Variants in BMP8A observed in about 807,000 individuals in gnomAD.
The protein encoded by BMP8A is bone morphogenetic protein 8a, also known as BMP-8A.
BMP8A carries 14 observed loss-of-function variants against 36.8 expected under a neutral mutation model. The observed-to-expected ratio is 0.38, with a 90% CI of 0.25 to 0.60. BMP8A has a LOEUF of 0.60. Among genes scored for constraint, BMP8A ranks in the 20% least tolerant of loss-of-function variants. BMP8A has a pLI of 0.63. For missense variants in BMP8A, 267 were observed against 551.1 expected (o/e 0.48, Z 5.16); for synonymous variants, 120 against 237.7 (o/e 0.50, Z 4.55).
At chr1:39,525,059 T>TGGA (rs1011833875) in intron 6 of BMP8A, 1 of 154,062 alleles carries the variant, frequency 6.5e-6, no homozygotes, top group African/African-American at 2.4e-5. Flanking sequence ...TCCGCAAGTC[T>TGGA]GGAGTTCAGA....
rs1476218312 is a variant in BMP8A, at chr1:39,523,152, G to C, written c.1059+35G>C. The C allele has an allele frequency of 2.5e-6, 4 of 1,608,714 alleles. No homozygotes were observed. In the Admixed American group the frequency reaches 6.7e-5, roughly 27 times the overall value. On this transcript the variant is annotated intron_variant, in intron 6 of 6. Coordinates refer to ENST00000331593, the MANE Select transcript of BMP8A (RefSeq NM_181809.4). ...GTGCCCATCCTGCCCAGCCCCCTGG[G>C]GTGGGAGGCCCTGCAGAGAGGGGTC...
intron 5 of BMP8A, 90 bp downstream of exon 5, chr1:39,522,572 C>A: frequency 7.5e-7 from 1 of 1,342,204 alleles, no homozygotes; most frequent in East Asian, 2.4e-5. Flanking sequence ...ATCATGGTGA[C>A]TTCAATTTTC....
chr1:39,497,193 G>A (rs1378076305), intron 1 of BMP8A, among the ~76,000 whole-genome samples: 1 of 152,156 alleles, frequency 6.6e-6, no homozygotes, highest in Non-Finnish European at 1.5e-5. Context: ...CATTCGGGTT[G>A]TTCTGAACAC....
intron 6 of BMP8A, chr1:39,523,749 T>C: frequency 7.9e-7 from 1 of 1,265,820 alleles, no homozygotes; most frequent in Non-Finnish European, 1.0e-6. Context: ...TGCTCACCAC[T>C]GAGTGCTCTG....
intron 1 of BMP8A, among the ~76,000 whole-genome samples, chr1:39,502,248 A>AG (rs1280169202): frequency 6.7e-6 from 1 of 149,638 alleles, no homozygotes; most frequent in Non-Finnish European, 1.5e-5. Context: ...AAAAAAAAAA[A>AG]AAAGAAAAGG....
chr1:39,510,448 G>T (rs547810947), intron 1 of BMP8A, among the ~76,000 whole-genome samples: 1 of 140,008 alleles, frequency 7.1e-6, no homozygotes, highest in African/African-American at 2.6e-5. Flanking sequence ...TCCTTTCCAC[G>T]TTTCCCTTCT....
At chr1:39,515,055 A>G (rs1205032612) in intron 3 of BMP8A, 22 of 1,578,924 alleles carry the variant, frequency 1.4e-5, no homozygotes, top group East Asian at 2.3e-5. Flanking sequence ...CTGCTTTGCC[A>G]CCAGTCCCCG....
Position 39,524,362 on chromosome 1 carries a change from C to T in BMP8A, c.1059+1245C>T, listed in dbSNP as rs1570317625. On this transcript the variant is annotated intron_variant, in intron 6 of 6. Transcript: ENST00000331593. This position sits in a 1 kb window ranked among gnomAD's most constrained non-coding sequence, Gnocchi z 4.0. Reference sequence around the variant, plus strand: ...GGCACTGTGCTCTAGGGGAGGCTGTCGGTGGGCACAGAAGCAAACCAACCG... The same window carrying T: ...GGCACTGTGCTCTAGGGGAGGCTGTTGGTGGGCACAGAAGCAAACCAACCG... Among the ~76,000 whole-genome samples, 1 of 152,084 alleles carries T rather than the reference C, an allele frequency of 6.6e-6. No individual in the cohort carries two copies. Among genetic ancestry groups the T allele is most frequent in the Non-Finnish European group, 1.5e-5 (1 of 68,016 alleles).
intron 6 of BMP8A, chr1:39,523,617 C>T (rs1645452541): frequency 1.4e-6 from 2 of 1,441,088 alleles, no homozygotes; most frequent in African/African-American, 3.0e-5. Context: ...AACCTTTTGG[C>T]TTTTTCCCGC....
At chr1:39,502,190 A>G (rs1425925600) in intron 1 of BMP8A, among the ~76,000 whole-genome samples, 1 of 145,630 alleles carries the variant, frequency 6.9e-6, no homozygotes, top group African/African-American at 2.6e-5. Context: ...GTGAGCTGAG[A>G]TCACGCCACT....
rs1645496813 is a variant in BMP8A at position 39,527,661 on chromosome 1, T to C, written c.*1863T>C. ...ATGTACATAAAGGGTGGGCCCAGGC[T>C]GTCTGGAAGATGGTGAGTTCCCCAC... On this transcript the variant is annotated 3_prime_UTR_variant, in exon 7 of 7. Transcript: ENST00000331593. 6.6e-6 allele frequency among the ~76,000 whole-genome samples: 1 copy of C among 152,232 alleles called. No individual in the cohort carries two copies. The highest frequency in any genetic ancestry group is 2.4e-5 in the African/African-American group (1 of 41,462).
chr1:39,494,199 TCTC>T (rs1645185160), intron 1 of BMP8A, among the ~76,000 whole-genome samples: 1 of 152,142 alleles, frequency 6.6e-6, no homozygotes, highest in African/African-American at 2.4e-5. Context: ...GACAGGAACA[TCTC>T]CACATGTCTT....
Position 39,528,004 on chromosome 1 carries a change from A to G in BMP8A, c.*2206A>G, listed in dbSNP as rs753242767. 1.3e-5 allele frequency among the ~76,000 whole-genome samples: 2 copies of G among 152,174 alleles called. No individual in the cohort carries two copies. The highest frequency in any genetic ancestry group is 2.4e-5 in the African/African-American group (1 of 41,450). ...CTGATTTAACAGCTCTCTTCTTCCA[A>G]TACTGGGCAGTAGAGTTTCGGAAAC... On this transcript the variant is annotated 3_prime_UTR_variant, in exon 7 of 7. Coordinates refer to ENST00000331593, the MANE Select transcript of BMP8A (RefSeq NM_181809.4).
intron 1 of BMP8A, among the ~76,000 whole-genome samples, chr1:39,494,301 TC>T (rs1557683692): frequency 1.3e-5 from 2 of 152,100 alleles, no homozygotes; most frequent in African/African-American, 4.8e-5. Context: ...GTGAACTTTT[TC>T]TTTTCTTTTC....
chr1:39,492,180 A>C lies in BMP8A; in HGVS notation c.189A>C (p.Pro63=). The C allele has an allele frequency of 7.5e-7, 1 of 1,333,014 alleles. No individual in the cohort carries two copies. Among genetic ancestry groups the C allele is most frequent in the East Asian group, 3.2e-5 (1 of 31,214 alleles). The allele number at this position is 1,333,014 out of a possible 1,614,324, so 82.6% of individuals were successfully genotyped here. The change falls in exon 1 of 7, where the codon CCA becomes CCC. Residue 63 remains proline, a synonymous_variant. Transcript: ENST00000331593. ...GLPGRPRPRA[P]PAASRLPASA... Reference sequence around the variant, plus strand: ...CCGGGCGGCCCCGGCCCCGCGCGCCACCCGCCGCCTCCCGGCTGCCCGCGT... The same window carrying C: ...CCGGGCGGCCCCGGCCCCGCGCGCCCCCCGCCGCCTCCCGGCTGCCCGCGT...
chr1:39,506,894 G>A (rs912814887), intron 1 of BMP8A, among the ~76,000 whole-genome samples: 1 of 152,188 alleles, frequency 6.6e-6, no homozygotes, highest in Non-Finnish European at 1.5e-5. Flanking sequence ...GCTTTAAAAT[G>A]TACTGAATAA....
rs1185869988 is a variant in BMP8A at position 39,526,355 on chromosome 1, T to TC, written c.*559dup. Among the ~76,000 whole-genome samples the TC allele has an allele frequency of 1.3e-5, 2 of 149,566 alleles. No individual in the cohort carries two copies. Among genetic ancestry groups the TC allele is most frequent in the African/African-American group, 2.5e-5 (1 of 39,632 alleles). Reference sequence around the variant, plus strand: ...CCACTGGGGATTTTTTTTTTTTTTTTCCAGATAGAGTCTCACTCTGTCACC... The same window carrying TC: ...CCACTGGGGATTTTTTTTTTTTTTTTCCCAGATAGAGTCTCACTCTGTCACC... On this transcript the variant is annotated 3_prime_UTR_variant, in exon 7 of 7. Transcript: ENST00000331593.
In BMP8A at chr1:39,526,326, G is replaced by A. The variant is rs919746020; in HGVS notation, c.*528G>A. ...AAAAGAATAAGCTGGACATCCCCAC[G>A]AAGCCACTGGGGATTTTTTTTTTTT... On this transcript the variant is annotated 3_prime_UTR_variant, in exon 7 of 7. Coordinates refer to ENST00000331593, the MANE Select transcript of BMP8A (RefSeq NM_181809.4). Among the ~76,000 whole-genome samples the A allele has an allele frequency of 3.3e-5, 5 of 151,048 alleles. No individual in the cohort carries two copies. Among genetic ancestry groups the A allele is most frequent in the Admixed American group, 6.6e-5 (1 of 15,160 alleles).
chr1:39,510,444 C>A (rs1230791897), intron 1 of BMP8A, among the ~76,000 whole-genome samples: 1 of 139,926 alleles, frequency 7.1e-6, no homozygotes, highest in African/African-American at 2.6e-5. Flanking sequence ...TTGTTCCTTT[C>A]CACGTTTCCC....
Sources: allele counts gnomAD v4.1 joint callset (sites outside exome capture counted in the v4.1 genomes callset), GRCh38; gene constraint gnomAD v4.1.1; non-coding constraint Gnocchi (gnomAD v3.1); transcripts MANE v1.5; gene names NCBI Gene and HGNC (gene_info 2026-07-23, HGNC 2026-07-21).